C8orf34: variants seen among roughly 807,000 people sequenced by gnomAD.
C8orf34 encodes the protein chromosome 8 open reading frame 34, also known as uncharacterized protein C8orf34.
In C8orf34, 65 loss-of-function variants were observed where a neutral mutation model predicts 68.3. That is an observed-to-expected ratio of 0.95 (90% CI 0.78 to 1.17). C8orf34 has a LOEUF of 1.17. C8orf34 is among the 50% of genes most tolerant of loss of function. The probability of loss-of-function intolerance (pLI) is 0.00; values close to 1 mark genes in which losing one functional copy is unlikely to be tolerated. For missense variants in C8orf34, 664 were observed against 655.4 expected (o/e 1.01, Z -0.14); for synonymous variants, 244 against 241.2 (o/e 1.01, Z -0.11).
At chr8:68,749,599 T>C (rs1382193829) in intron 10 of C8orf34, among the ~76,000 whole-genome samples, 1 of 152,170 alleles carries the variant, frequency 6.6e-6, no homozygotes, top group African/African-American at 2.4e-5. Flanking sequence ...TAGTTAATAA[T>C]ATCCATGTCT....
At chr8:68,534,912 A>G (rs1815398492) in intron 7 of C8orf34, 1 of 985,272 alleles carries the variant, frequency 1.0e-6, no homozygotes, top group Non-Finnish European at 1.2e-6. Context: ...ACTAGTCCTC[A>G]TTAATTCTTT....
intron 6 of C8orf34, among the ~76,000 whole-genome samples, chr8:68,529,763 C>T (rs150153400): frequency 0.01 from 1,556 of 152,080 alleles, 36 homozygotes; most frequent in African/African-American, 0.034. Flanking sequence ...ATATGTTTGC[C>T]TTTTAGAAAT....
At chr8:68,463,618 G>A (rs556696161) in intron 3 of C8orf34, among the ~76,000 whole-genome samples, 1 of 152,270 alleles carries the variant, frequency 6.6e-6, no homozygotes, top group South Asian at 2.1e-4. Context: ...TCATCCCTGG[G>A]ATGCAAGGCT....
At chr8:68,441,102 C>A (rs1294365158) in intron 2 of C8orf34, among the ~76,000 whole-genome samples, 2 of 152,162 alleles carry the variant, frequency 1.3e-5, no homozygotes, top group East Asian at 3.9e-4. Flanking sequence ...CCATGCCCTG[C>A]CAACTCTTCA....
At chr8:68,671,978 C>T (rs1326833592) in intron 8 of C8orf34, among the ~76,000 whole-genome samples, 2 of 152,040 alleles carry the variant, frequency 1.3e-5, no homozygotes, top group African/African-American at 4.8e-5. Flanking sequence ...AGCTGGGACT[C>T]CTGTAACAGA....
intron 6 of C8orf34, among the ~76,000 whole-genome samples, chr8:68,526,101 G>A (rs908871180): frequency 2.0e-5 from 3 of 151,604 alleles, no homozygotes; most frequent in African/African-American, 4.8e-5. Flanking sequence ...GGGACTACAG[G>A]TGTGCCCCAC....
intron 10 of C8orf34, among the ~76,000 whole-genome samples, chr8:68,735,611 TTGA>T (rs1822101310): frequency 1.1e-5 from 1 of 90,164 alleles, no homozygotes; most frequent in African/African-American, 5.0e-5. Flanking sequence ...ACTCATAAAA[TTGA>T]TAGAGGAGGC....
Position 68,535,259 on chromosome 8 carries a change from T to C in C8orf34, c.1105+2110T>C, listed in dbSNP as rs534124158. ...GAGTTTATATAGAATCATTGTAAGA[T>C]GCAATAGAGACATCTGGTATTTAAA... On this transcript the variant is annotated intron_variant, in intron 7 of 13. Transcript: ENST00000518698. 20 of 979,724 alleles carry C rather than the reference T, an allele frequency of 2.0e-5. No individual in the cohort carries two copies. The African/African-American group carries it at 3.5e-4, about 17-fold the overall frequency. The allele number at this position is 979,724 out of a possible 1,614,324, so 60.7% of individuals were successfully genotyped here.
At chr8:68,378,390 T>C (rs1435139200) in intron 1 of C8orf34, among the ~76,000 whole-genome samples, 3 of 152,082 alleles carry the variant, frequency 2.0e-5, no homozygotes, top group Non-Finnish European at 4.4e-5. Context: ...TCTAGGCTCA[T>C]TGCAGCCTTG....
chr8:68,486,789 C>T (rs1170032204), intron 4 of C8orf34, among the ~76,000 whole-genome samples: 1 of 152,156 alleles, frequency 6.6e-6, no homozygotes, highest in Non-Finnish European at 1.5e-5. Flanking sequence ...TTCTTCCAAC[C>T]CAGCTCATTC....
chr8:68,700,972 G>C (rs1462170243), intron 8 of C8orf34, among the ~76,000 whole-genome samples: 1 of 152,080 alleles, frequency 6.6e-6, no homozygotes, highest in Non-Finnish European at 1.5e-5. Flanking sequence ...AGAAAGATAG[G>C]TTAATTTTCT....
Position 68,439,554 on chromosome 8 carries a change from T to C in C8orf34, c.383T>C (p.Ile128Thr). The change falls in exon 2 of 14, where the codon ATT (isoleucine) becomes ACT (threonine). Residue 128 changes from isoleucine to threonine, a missense_variant. Physicochemically the swap from Ile to Thr is moderately conservative, Grantham distance 89. Transcript: ENST00000518698. ...ETPDQPIPFL[I>T]DHLQSKQGNR... ...CCTGACCAGCCAATCCCATTTCTCA[T>C]TGACCATCTTCAGTCTAAACAAGGG... 6.2e-7 allele frequency: 1 copy of C among 1,613,814 alleles called. No homozygotes were observed. Among genetic ancestry groups the C allele is most frequent in the Non-Finnish European group, 8.5e-7 (1 of 1,179,784 alleles).
chr8:68,743,350 A>C (rs2129527310), intron 10 of C8orf34, among the ~76,000 whole-genome samples: 1 of 152,308 alleles, frequency 6.6e-6, no homozygotes, highest in African/African-American at 2.4e-5. Context: ...TATAAGATTT[A>C]CAAGGGAGGA....
intron 10 of C8orf34, among the ~76,000 whole-genome samples, chr8:68,754,268 A>T (rs764718651): frequency 2.6e-5 from 4 of 152,212 alleles, no homozygotes; most frequent in Non-Finnish European, 5.9e-5. Flanking sequence ...TAAAATCCTG[A>T]AAAAGTGTAT....
intron 5 of C8orf34, among the ~76,000 whole-genome samples, chr8:68,489,519 T>C (rs967191074): frequency 6.6e-6 from 1 of 152,204 alleles, no homozygotes; most frequent in Non-Finnish European, 1.5e-5. Context: ...TTCATATACA[T>C]TTTATACACA....
chr8:68,342,395 A>G (rs948540587), intron 1 of C8orf34, among the ~76,000 whole-genome samples: 4 of 152,176 alleles, frequency 2.6e-5, no homozygotes, highest in African/African-American at 9.7e-5. Flanking sequence ...AAAAGATTAG[A>G]AGATAAGTTA....
intron 8 of C8orf34, among the ~76,000 whole-genome samples, chr8:68,673,318 C>T (rs1020332265): frequency 6.6e-6 from 1 of 151,652 alleles, no homozygotes; most frequent in African/African-American, 2.4e-5. Flanking sequence ...CCCAAGTAGA[C>T]CCCTAAGTGG....
At chr8:68,679,004 C>T (rs1373436932) in intron 8 of C8orf34, among the ~76,000 whole-genome samples, 2 of 152,024 alleles carry the variant, frequency 1.3e-5, no homozygotes, top group African/African-American at 2.4e-5. Flanking sequence ...ATCCCATTTA[C>T]AATAGCTACT....
At chr8:68,458,618 G>A (rs1332257801) in intron 3 of C8orf34, among the ~76,000 whole-genome samples, 1 of 152,186 alleles carries the variant, frequency 6.6e-6, no homozygotes, top group East Asian at 1.9e-4. Flanking sequence ...AAGTTTTGAA[G>A]AATCTGATAC....
Sources: allele counts gnomAD v4.1 joint callset (sites outside exome capture counted in the v4.1 genomes callset), GRCh38; gene constraint gnomAD v4.1.1; transcripts MANE v1.5; gene names NCBI Gene and HGNC (gene_info 2026-07-23, HGNC 2026-07-21).